Variants in ATP10B observed in about 807,000 individuals in gnomAD.
ATP10B encodes phospholipid-transporting ATPase VB.
ATP10B carries 122 observed loss-of-function variants against 141.2 expected under a neutral mutation model. The observed-to-expected ratio is 0.86, with a 90% CI of 0.75 to 1.00. The LOEUF is 1.00. Among genes scored for constraint, ATP10B ranks in the 50% least tolerant of loss-of-function variants. The pLI is 0.00. For missense variants in ATP10B, 1,876 were observed against 1,825.3 expected (o/e 1.03, Z -0.51); for synonymous variants, 685 against 692.0 (o/e 0.99, Z 0.16).
chr5:160,740,096 C>T (rs1767363700), intron 2 of ATP10B, among the ~76,000 whole-genome samples: 1 of 152,218 alleles, frequency 6.6e-6, no homozygotes, highest in Admixed American at 6.5e-5. Flanking sequence ...GCAGACAAGA[C>T]CCATTAATAA....
chr5:160,651,453 T>C (rs73818279), intron 7 of ATP10B, among the ~76,000 whole-genome samples: 3,408 of 152,174 alleles, frequency 0.022, 120 homozygotes, highest in African/African-American at 0.078. Context: ...CGTTTCTTCA[T>C]CTGTAGAATG....
chr5:160,880,385 A>T, the ATP10B span, among the ~76,000 whole-genome samples: 1 of 152,012 alleles, frequency 6.6e-6, no homozygotes, highest in African/African-American at 2.4e-5. Flanking sequence ...CTTGATCTAT[A>T]GGTTCAATAC....
the ATP10B span, among the ~76,000 whole-genome samples, chr5:160,894,300 C>A: frequency 2.6e-5 from 4 of 151,858 alleles, no homozygotes; most frequent in East Asian, 7.7e-4. Flanking sequence ...AAGCTAAGAA[C>A]CTTGAAAAAA....
intron 2 of ATP10B, among the ~76,000 whole-genome samples, chr5:160,717,858 T>C (rs1189322038): frequency 2.6e-5 from 4 of 152,084 alleles, no homozygotes; most frequent in Admixed American, 2.6e-4. Context: ...CCCTGCTCCA[T>C]CTCCTAGTAG....
rs57299096 is a variant in ATP10B at position 160,709,863 on chromosome 5, T to C, written c.-205+7046A>G. On this transcript the variant is annotated intron_variant, in intron 3 of 25. Coordinates refer to ENST00000327245, the MANE Select transcript of ATP10B (RefSeq NM_025153.3). ...CCTATGAGTGAGAATATGCGGTGTT[T>C]GGTTTTTTGTTCTTGCGATAGTTTA... 3.1e-3 allele frequency among the ~76,000 whole-genome samples: 345 copies of C among 112,760 alleles called. 3 individuals carry two copies. Among genetic ancestry groups the C allele is most frequent in the African/African-American group, 0.011 (330 of 29,220 alleles). 74.0% of individuals were successfully genotyped at this position (112,760 alleles called of 152,430 possible).
chr5:160,775,664 T>G (rs1462508827), intron 2 of ATP10B, among the ~76,000 whole-genome samples: 1 of 151,020 alleles, frequency 6.6e-6, no homozygotes. Context: ...TTCTGCTTTC[T>G]GCAAGTTTCA....
intron 1 of ATP10B, among the ~76,000 whole-genome samples, chr5:160,850,705 T>C (rs1753749434): frequency 6.6e-6 from 1 of 152,148 alleles, no homozygotes; most frequent in Non-Finnish European, 1.5e-5. Context: ...AAAGTCAGCA[T>C]GTGGGTTTCA....
In ATP10B at chr5:160,634,586, C is replaced by A; in HGVS notation, c.1149G>T (p.Leu383Phe). 1 of 1,611,698 alleles carries A rather than the reference C, an allele frequency of 6.2e-7. No individual in the cohort carries two copies. Among genetic ancestry groups the A allele is most frequent in the Non-Finnish European group, 8.5e-7 (1 of 1,178,584 alleles). Residue 383 changes from leucine (L) to phenylalanine (F), a missense_variant, in exon 12 of 26, where the codon TTG becomes TTT. Coordinates refer to ENST00000327245, the MANE Select transcript of ATP10B (RefSeq NM_025153.3). ...ILLQVLIPIS[L>F]YVSIELVKLG... ...GCTTCACCAGCTCAATGGAGACATA[C>A]AAAGAGATGGGGATCAGCACCTGAA... is the stretch of plus-strand genomic sequence containing the variant.
chr5:160,795,172 C>CA (rs1332411545), intron 1 of ATP10B, among the ~76,000 whole-genome samples: 8 of 151,880 alleles, frequency 5.3e-5, no homozygotes, highest in Admixed American at 2.6e-4. Flanking sequence ...ACCATCTTTT[C>CA]AAAAAAAATC....
chr5:160,832,951 G>A (rs920805588), intron 1 of ATP10B, among the ~76,000 whole-genome samples: 24 of 150,330 alleles, frequency 1.6e-4, no homozygotes, highest in African/African-American at 4.5e-4. Flanking sequence ...GCAGTCACTC[G>A]TCACTCTCCA....
chr5:160,836,816 C>T (rs781775412), intron 1 of ATP10B, among the ~76,000 whole-genome samples: 6 of 152,058 alleles, frequency 3.9e-5, no homozygotes, highest in Admixed American at 1.3e-4. Context: ...TCCCTTCATA[C>T]CCAGTCTCTA....
intron 1 of ATP10B, among the ~76,000 whole-genome samples, chr5:160,839,759 A>G (rs1775700722): frequency 6.6e-6 from 1 of 152,086 alleles, no homozygotes; most frequent in East Asian, 1.9e-4. Flanking sequence ...AGTTTTTAAA[A>G]AGGCTAAAGA....
At chr5:160,819,759 G>A (rs1375430710) in intron 1 of ATP10B, among the ~76,000 whole-genome samples, 5 of 152,042 alleles carry the variant, frequency 3.3e-5, no homozygotes, top group Admixed American at 3.3e-4. Flanking sequence ...GTTGTTATCA[G>A]CTTAAGATAA....
Position 160,617,980 on chromosome 5 carries a change from A to G in ATP10B, c.2417-7T>C, listed in dbSNP as rs773593921. 1.9e-6 allele frequency: 3 copies of G among 1,611,036 alleles called. No individual in the cohort carries two copies. Among genetic ancestry groups the G allele is most frequent in the Non-Finnish European group, 2.5e-6 (3 of 1,177,210 alleles). ...TCCATATTAATGTCAGGTACTGTCA[A>G]ATAGCCATTTTCCCGCATGAGGCCA... On this transcript the variant is annotated splice_region_variant and splice_polypyrimidine_tract_variant and intron_variant, in intron 15 of 25. Coordinates refer to ENST00000327245, the MANE Select transcript of ATP10B (RefSeq NM_025153.3).
At chr5:160,707,202 C>T (rs557402279) in intron 3 of ATP10B, among the ~76,000 whole-genome samples, 111 of 152,322 alleles carry the variant, frequency 7.3e-4, no homozygotes, top group South Asian at 1.7e-3. Context: ...CTGCCCACCT[C>T]AGCCTCCCAC....
At chr5:160,782,758 G>A (rs2127885514) in intron 2 of ATP10B, among the ~76,000 whole-genome samples, 1 of 151,516 alleles carries the variant, frequency 6.6e-6, no homozygotes, top group Middle Eastern at 3.5e-3. Flanking sequence ...TTCCTGAGGT[G>A]CAATACTAAT....
At chr5:160,805,797 G>T (rs1042314843) in intron 1 of ATP10B, among the ~76,000 whole-genome samples, 1 of 152,144 alleles carries the variant, frequency 6.6e-6, no homozygotes, top group Non-Finnish European at 1.5e-5. Context: ...ATTAGTCAGG[G>T]TTCTCCAGAG....
At chr5:160,851,572 A>G (rs558055429) in intron 1 of ATP10B, among the ~76,000 whole-genome samples, 9 of 152,262 alleles carry the variant, frequency 5.9e-5, no homozygotes, top group African/African-American at 2.2e-4. Context: ...TCAAAGCTAT[A>G]GTTTCTTTCT....
intron 2 of ATP10B, among the ~76,000 whole-genome samples, chr5:160,755,632 G>A (rs1201496385): frequency 5.4e-5 from 8 of 148,810 alleles, no homozygotes; most frequent in Admixed American, 3.4e-4. Flanking sequence ...CGGCTAAAAC[G>A]GTGAAACCCC....
Sources: gnomAD v4.1 joint callset for allele counts (sites outside exome capture counted in the v4.1 genomes callset) on GRCh38, gnomAD v4.1.1 for gene constraint, MANE v1.5 for transcripts, NCBI Gene and HGNC (gene_info 2026-07-23, HGNC 2026-07-21) for gene names.